NNT: variants seen among roughly 807,000 people sequenced by gnomAD.
NNT encodes the protein NAD(P) transhydrogenase, mitochondrial.
A neutral mutation model predicts 104.8 loss-of-function variants in NNT; 50 were observed. The ratio of observed to expected loss-of-function variants is 0.48; its 90% CI spans 0.38 to 0.60. NNT has a LOEUF of 0.60. NNT is among the 20% of genes least tolerant of loss of function. The pLI is 0.00. For missense variants in NNT, 1,131 were observed against 1,330.7 expected, an observed-to-expected ratio of 0.85 and a Z score of 2.33; for synonymous variants, 461 against 490.4, an observed-to-expected ratio of 0.94 and a Z score of 0.79.
chr5:43,670,991 G>A (rs1741041454), intron 17 of NNT, among the ~76,000 whole-genome samples: 1 of 152,128 alleles, frequency 6.6e-6, no homozygotes, highest in South Asian at 2.1e-4. Flanking sequence ...TATATATTTA[G>A]GATAGTTAGC....
chr5:43,668,002 C>T (rs1302356239), intron 17 of NNT, among the ~76,000 whole-genome samples: 5 of 152,204 alleles, frequency 3.3e-5, no homozygotes, highest in Non-Finnish European at 7.3e-5. Flanking sequence ...TTTCGATTTA[C>T]ATTTCTCTGA....
chr5:43,623,583 C>T (rs1293704597), intron 5 of NNT, among the ~76,000 whole-genome samples: 4 of 151,966 alleles, frequency 2.6e-5, no homozygotes, highest in Non-Finnish European at 5.9e-5. Flanking sequence ...CAATGTTGTA[C>T]CCATCTTTGA....
intron 7 of NNT, among the ~76,000 whole-genome samples, chr5:43,641,316 A>G (rs964083460): frequency 6.6e-6 from 1 of 150,776 alleles, no homozygotes; most frequent in Admixed American, 6.6e-5. Context: ...TTCAATTTTT[A>G]TTTCTGCACT....
chr5:43,668,953 C>T (rs926602106), intron 17 of NNT, among the ~76,000 whole-genome samples: 40 of 152,264 alleles, frequency 2.6e-4, no homozygotes, highest in East Asian at 7.7e-4. Context: ...TCTTTTATTT[C>T]GTTGAGCACT....
chr5:43,609,590 T>C (rs564920716), intron 2 of NNT, among the ~76,000 whole-genome samples: 1 of 152,328 alleles, frequency 6.6e-6, no homozygotes, highest in South Asian at 2.1e-4. Context: ...GATAAACCAG[T>C]TGAGTTGTCC....
intron 19 of NNT, among the ~76,000 whole-genome samples, chr5:43,678,227 G>A (rs1437935794): frequency 3.3e-5 from 5 of 152,114 alleles, no homozygotes; most frequent in African/African-American, 4.8e-5. Context: ...GAGTGGCAGC[G>A]GTAGAAGAAA....
intron 17 of NNT, among the ~76,000 whole-genome samples, chr5:43,663,834 G>A (rs1740495467): frequency 6.6e-6 from 1 of 152,162 alleles, no homozygotes; most frequent in South Asian, 2.1e-4. Flanking sequence ...GTTTGGCCAA[G>A]TACCTGGCAC....
At chr5:43,665,586 G>T (rs538052798) in intron 17 of NNT, among the ~76,000 whole-genome samples, 12 of 152,310 alleles carry the variant, frequency 7.9e-5, no homozygotes, top group East Asian at 3.9e-4. Context: ...CAAGGCAGAA[G>T]AATTTTTCTT....
intron 19 of NNT, among the ~76,000 whole-genome samples, chr5:43,689,323 C>T (rs541160735): frequency 6.6e-6 from 1 of 152,134 alleles, no homozygotes; most frequent in South Asian, 2.1e-4. Flanking sequence ...GATTTTCTCC[C>T]ACTCTGTGGG....
chr5:43,692,308 T>C (rs929079770), intron 19 of NNT, among the ~76,000 whole-genome samples: 2 of 152,134 alleles, frequency 1.3e-5, no homozygotes, highest in African/African-American at 4.8e-5. Flanking sequence ...CTCCCTAGAC[T>C]GAACATGTGC....
At chr5:43,680,234 C>T (rs141303970) in intron 19 of NNT, among the ~76,000 whole-genome samples, 246 of 151,146 alleles carry the variant, frequency 1.6e-3, no homozygotes, top group African/African-American at 5.8e-3. Context: ...ATTTTCTTTA[C>T]GAAGTTAGGA....
chr5:43,704,364 A>T lies in NNT; in HGVS notation c.3221A>T (p.Asp1074Val), dbSNP rs1291308955. 2 of 1,613,662 alleles carry T rather than the reference A, an allele frequency of 1.2e-6. No individual in the cohort carries two copies. The highest frequency in any genetic ancestry group is 1.7e-6 in the Non-Finnish European group (2 of 1,179,772). Residue 1074 changes from aspartate (D) to valine (V), a missense_variant, in exon 22 of 22, where the codon GAC becomes GTC. By Grantham distance (152) the Asp-to-Val change is radical. Transcript: ENST00000344920. ...CTAGGTGATGCCAAGAAAACATGTG[A>T]CGCGCTCCAGGCGAAAGTTAGAGAA... is the stretch of plus-strand genomic sequence containing the variant. ...MLLGDAKKTC[D>V]ALQAKVRESY...
At chr5:43,652,452 A>G (rs1011996288) in intron 13 of NNT, among the ~76,000 whole-genome samples, 1 of 151,340 alleles carries the variant, frequency 6.6e-6, no homozygotes, top group East Asian at 1.9e-4. Flanking sequence ...TGAACTCTGT[A>G]TTTTCTATTT....
chr5:43,668,025 A>G (rs1740811561), intron 17 of NNT, among the ~76,000 whole-genome samples: 1 of 152,202 alleles, frequency 6.6e-6, no homozygotes, highest in East Asian at 1.9e-4. Flanking sequence ...GCCAGTGATG[A>G]TGAACATTTT....
At chr5:43,674,155 G>A (rs1741281716) in intron 17 of NNT, among the ~76,000 whole-genome samples, 1 of 151,616 alleles carries the variant, frequency 6.6e-6, no homozygotes. Context: ...TCTGTAAAAT[G>A]TCAATGTTGT....
intron 7 of NNT, among the ~76,000 whole-genome samples, chr5:43,630,823 G>C (rs548740929): frequency 2.0e-5 from 3 of 152,070 alleles, no homozygotes; most frequent in Non-Finnish European, 4.4e-5. Flanking sequence ...AAAGAAAGTG[G>C]GTCATATAAT....
At chr5:43,691,068 AGAGTGTGTGTGTGT>A (rs1561326614) in intron 19 of NNT, among the ~76,000 whole-genome samples, 1 of 133,928 alleles carries the variant, frequency 7.5e-6, no homozygotes, top group African/African-American at 2.9e-5. Context: ...TTTTTTTGAG[AGAGTGTGTGTGTGT>A]GTGTGTGTGT....
At chr5:43,670,881 G>A (rs1741031253) in intron 17 of NNT, among the ~76,000 whole-genome samples, 2 of 152,168 alleles carry the variant, frequency 1.3e-5, no homozygotes, top group African/African-American at 2.4e-5. Flanking sequence ...TTGACAGTGG[G>A]GTGTTAAAGT....
At chr5:43,630,813 A>T (rs1353898136) in intron 7 of NNT, among the ~76,000 whole-genome samples, 1 of 152,076 alleles carries the variant, frequency 6.6e-6, no homozygotes, top group East Asian at 1.9e-4. Context: ...TTCCTTTCTG[A>T]AAGAAAGTGG....
Sources: allele counts gnomAD v4.1 joint callset (sites outside exome capture counted in the v4.1 genomes callset), GRCh38; gene constraint gnomAD v4.1.1; transcripts MANE v1.5; gene names NCBI Gene and HGNC (gene_info 2026-07-23, HGNC 2026-07-21).